MUSK: variants seen among roughly 807,000 people sequenced by gnomAD.
MUSK encodes muscle associated receptor tyrosine kinase.
In MUSK, 55 loss-of-function variants were observed where a neutral mutation model predicts 88.7. That is an observed-to-expected ratio of 0.62 (90% CI 0.50 to 0.78). The LOEUF (loss-of-function observed/expected upper bound fraction) is 0.78, where lower values mean the gene tolerates loss of function less well. Among genes scored for constraint, MUSK ranks in the 30% least tolerant of loss-of-function variants. The pLI, the probability that MUSK is intolerant of heterozygous loss-of-function variation, is 0.00. For synonymous variants in MUSK, 387 were observed against 391.9 expected (o/e 0.99, Z 0.15); for missense variants, 1,015 against 1,074.3 (o/e 0.94, Z 0.77).
At chr9:110,680,493 A>G (rs1436023009) in intron 1 of MUSK, among the ~76,000 whole-genome samples, 1 of 150,418 alleles carries the variant, frequency 6.6e-6, no homozygotes, top group African/African-American at 2.4e-5. Flanking sequence ...AAGCGATTAT[A>G]GTACTTCAGC....
At chr9:110,708,051 G>A (rs1457327344) in intron 5 of MUSK, among the ~76,000 whole-genome samples, 1 of 152,042 alleles carries the variant, frequency 6.6e-6, no homozygotes, top group Non-Finnish European at 1.5e-5. Flanking sequence ...TATGAAATAG[G>A]TAAGACAAGT....
chr9:110,755,965 C>T lies in MUSK; in HGVS notation c.914-6237C>T, dbSNP rs10118664. Reference sequence around the variant, plus strand: ...ATATATATATACACATATATATATACATATATATATATACATATATATATA... The same window carrying T: ...ATATATATATACACATATATATATATATATATATATATACATATATATATA... On this transcript the variant is annotated intron_variant, in intron 7 of 14. Transcript: ENST00000374448. Among the ~76,000 whole-genome samples the T allele has an allele frequency of 1.6e-3, 127 of 81,552 alleles. 1 individual carries two copies. The highest frequency in any genetic ancestry group is 9.5e-3 in the East Asian group (24 of 2,528). 53.5% of individuals were successfully genotyped at this position (81,552 alleles called of 152,430 possible). A position where few individuals can be genotyped will look rare whatever the true frequency, so the allele number is the denominator to read the frequency against.
chr9:110,721,602 G>T (rs570529125), intron 5 of MUSK, among the ~76,000 whole-genome samples: 1 of 152,148 alleles, frequency 6.6e-6, no homozygotes, highest in East Asian at 1.9e-4. Context: ...ATGGCACAAA[G>T]AAATGGAAAC....
At chr9:110,725,384 T>A (rs1448672533) in intron 5 of MUSK, among the ~76,000 whole-genome samples, 1 of 152,030 alleles carries the variant, frequency 6.6e-6, no homozygotes, top group East Asian at 1.9e-4. Flanking sequence ...TTGGTTTGAT[T>A]TTGATTTACA....
At chr9:110,696,434 T>C (rs1286034160) in intron 4 of MUSK, among the ~76,000 whole-genome samples, 1 of 152,224 alleles carries the variant, frequency 6.6e-6, no homozygotes, top group African/African-American at 2.4e-5. Context: ...TAACAATGCA[T>C]AGTATATTTT....
chr9:110,721,213 C>T (rs932276291), intron 5 of MUSK, among the ~76,000 whole-genome samples: 3 of 152,048 alleles, frequency 2.0e-5, no homozygotes, highest in African/African-American at 7.2e-5. Flanking sequence ...CACTTCTATT[C>T]AACATAGTAC....
chr9:110,770,322 CAATAATAATT>C (rs972889693), intron 9 of MUSK, among the ~76,000 whole-genome samples: 9 of 125,316 alleles, frequency 7.2e-5, no homozygotes, highest in South Asian at 2.5e-4. Context: ...CAATAATTAT[CAATAATAATT>C]AATAATTATT....
At chr9:110,720,699 T>C (rs2076800270) in intron 5 of MUSK, among the ~76,000 whole-genome samples, 2 of 152,022 alleles carry the variant, frequency 1.3e-5, no homozygotes, top group African/African-American at 4.8e-5. Context: ...TTGACACTAT[T>C]CCACAAGATA....
rs373256674 is a variant in MUSK at position 110,697,216 on chromosome 9, G to A, written c.487-109G>A. 109 of 1,163,274 alleles carry A rather than the reference G, an allele frequency of 9.4e-5. No homozygotes were observed. The African/African-American group carries it at 1.3e-3, about 14-fold the overall frequency. The allele number at this position is 1,163,274 out of a possible 1,614,324, so 72.1% of individuals were successfully genotyped here. A position where few individuals can be genotyped will look rare whatever the true frequency, so the allele number is the denominator to read the frequency against. ...ATAAGTGGCCAATAAAGGTCAAAGC[G>A]ATATCTTTGATGATGATAATAGTGA... is the stretch of plus-strand genomic sequence containing the variant. On this transcript the variant is annotated intron_variant, in intron 4 of 14. Coordinates refer to ENST00000374448, the MANE Select transcript of MUSK (RefSeq NM_005592.4).
intron 5 of MUSK, chr9:110,728,654 G>T (rs367561013): frequency 4.4e-6 from 6 of 1,373,554 alleles, no homozygotes; most frequent in Non-Finnish European, 6.1e-6. Flanking sequence ...CGTGTTTATT[G>T]TGTGTGTTTG....
At chr9:110,722,392 T>C (rs1331788798) in intron 5 of MUSK, among the ~76,000 whole-genome samples, 1 of 151,918 alleles carries the variant, frequency 6.6e-6, no homozygotes, top group Non-Finnish European at 1.5e-5. Flanking sequence ...TAGCTGGGTG[T>C]GGTGGTACGT....
intron 8 of MUSK, among the ~76,000 whole-genome samples, chr9:110,763,280 T>C (rs546357780): frequency 6.6e-6 from 1 of 152,220 alleles, no homozygotes; most frequent in Non-Finnish European, 1.5e-5. Flanking sequence ...TTTGTTAATG[T>C]GGTATCAAAA....
intron 5 of MUSK, among the ~76,000 whole-genome samples, chr9:110,718,439 C>A (rs903509302): frequency 2.0e-5 from 3 of 151,856 alleles, no homozygotes; most frequent in African/African-American, 7.2e-5. Flanking sequence ...GCAAAATGCA[C>A]CAGAAAGTCT....
intron 1 of MUSK, among the ~76,000 whole-genome samples, chr9:110,678,128 T>C (rs1261811668): frequency 6.6e-6 from 1 of 152,126 alleles, no homozygotes; most frequent in Non-Finnish European, 1.5e-5. Context: ...TTGTTTGTTT[T>C]TGAGACAAGG....
chr9:110,723,234 T>TACACACACACACAC (rs143582345), intron 5 of MUSK, among the ~76,000 whole-genome samples: 9,182 of 146,568 alleles, frequency 0.063, 378 homozygotes, highest in Non-Finnish European at 0.086. Flanking sequence ...TACATATACA[T>TACACACACACACAC]ACACACACAC....
intron 14 of MUSK, chr9:110,788,051 G>T (rs1327595454): frequency 3.6e-6 from 2 of 559,870 alleles, no homozygotes; most frequent in African/African-American, 1.9e-5. Flanking sequence ...ACTTCAATTT[G>T]TCTCTGTCTT....
chr9:110,678,836 G>C (rs532681018), intron 1 of MUSK, among the ~76,000 whole-genome samples: 52 of 151,960 alleles, frequency 3.4e-4, no homozygotes, highest in Non-Finnish European at 6.3e-4. Context: ...CTGCTATTCT[G>C]TTTTACTACA....
At chr9:110,689,021 T>A (rs144899477) in intron 3 of MUSK, among the ~76,000 whole-genome samples, 3 of 142,050 alleles carry the variant, frequency 2.1e-5, no homozygotes, top group South Asian at 2.1e-4. Flanking sequence ...CATATTTAAA[T>A]ATAAATACGT....
intron 1 of MUSK, among the ~76,000 whole-genome samples, chr9:110,674,135 T>C (rs768530683): frequency 3.3e-5 from 5 of 151,646 alleles, no homozygotes; most frequent in Non-Finnish European, 4.4e-5. Context: ...AAATACTCTA[T>C]AGTAAAAAAC....
Sources: gnomAD v4.1 joint callset for allele counts (sites outside exome capture counted in the v4.1 genomes callset) on GRCh38, gnomAD v4.1.1 for gene constraint, MANE v1.5 for transcripts, NCBI Gene and HGNC (gene_info 2026-07-23, HGNC 2026-07-21) for gene names.